The following ANXA8 variants were observed in gnomAD, a reference collection of about 807,000 sequenced individuals.
ANXA8 encodes annexin A8.
Under a neutral mutation model 26.8 loss-of-function variants are expected in ANXA8, and 9 were observed. The observed-to-expected ratio is 0.34, with a 90% CI of 0.20 to 0.59. The LOEUF (loss-of-function observed/expected upper bound fraction) is 0.59. Ranked by LOEUF, ANXA8 falls within the 20% of genes least tolerant of loss-of-function variation. ANXA8 has a pLI of 0.84. For missense variants in ANXA8, 83 were observed against 238.5 expected, an observed-to-expected ratio of 0.35 and a Z score of 4.29; for synonymous variants, 39 against 94.8, an observed-to-expected ratio of 0.41 and a Z score of 3.42.
the ANXA8 span, among the ~76,000 whole-genome samples, chr10:47,743,245 C>CATATATATATATATATATACAT: frequency 2.1e-5 from 2 of 94,654 alleles, no homozygotes; most frequent in Admixed American, 2.3e-4. Flanking sequence ...CAACAGGCTT[C>CATATATATATATATATATACAT]ATATATATAT....
the ANXA8 span, among the ~76,000 whole-genome samples, chr10:47,669,630 G>A: frequency 0.022 from 3,354 of 150,864 alleles, 16 homozygotes; most frequent in African/African-American, 0.029. Flanking sequence ...TGGGAGGATC[G>A]CATGAGCCTG....
At chr10:47,777,743 C>T in the ANXA8 span, among the ~76,000 whole-genome samples, 1 of 152,072 alleles carries the variant, frequency 6.6e-6, no homozygotes, top group South Asian at 2.1e-4. Flanking sequence ...CATGGCACAA[C>T]TAAAGGGCAT....
chr10:47,641,225 C>T, the ANXA8 span, among the ~76,000 whole-genome samples: 2 of 150,994 alleles, frequency 1.3e-5, no homozygotes, highest in Non-Finnish European at 2.9e-5. Context: ...TAAGACTTTT[C>T]ATTAAAATAT....
chr10:47,576,587 C>T, the ANXA8 span, among the ~76,000 whole-genome samples: 1 of 151,576 alleles, frequency 6.6e-6, no homozygotes, highest in Non-Finnish European at 1.5e-5. Context: ...CTTCAGCCTC[C>T]CAAGTAGCTG....
At chr10:47,534,470 T>G in the ANXA8 span, among the ~76,000 whole-genome samples, 2 of 137,710 alleles carry the variant, frequency 1.5e-5, no homozygotes, top group African/African-American at 5.6e-5. Context: ...TCCATATGCC[T>G]TTTCACCAAC....
the ANXA8 span, among the ~76,000 whole-genome samples, chr10:47,686,728 G>A: frequency 5.3e-4 from 81 of 151,892 alleles, no homozygotes; most frequent in African/African-American, 1.7e-3. Context: ...TCAAAAAAGC[G>A]GAATGTTTCA....
the ANXA8 span, among the ~76,000 whole-genome samples, chr10:47,489,987 G>C: frequency 6.6e-6 from 1 of 150,520 alleles, no homozygotes; most frequent in Non-Finnish European, 1.5e-5. Flanking sequence ...TGAGGGCATG[G>C]GTCCCTGAAG....
the ANXA8 span, among the ~76,000 whole-genome samples, chr10:47,971,462 C>T: frequency 1.2e-4 from 17 of 139,426 alleles, no homozygotes; most frequent in Non-Finnish European, 2.6e-4. Context: ...CTGACATCCA[C>T]CTGCAATGGG....
the ANXA8 span, among the ~76,000 whole-genome samples, chr10:47,651,420 C>G: frequency 6.6e-6 from 1 of 151,418 alleles, no homozygotes; most frequent in Non-Finnish European, 1.5e-5. Flanking sequence ...CTGGCAGTTC[C>G]TCAAAAAGTT....
the ANXA8 span, among the ~76,000 whole-genome samples, chr10:47,663,539 C>T: frequency 1.5e-5 from 2 of 131,750 alleles, no homozygotes; most frequent in Non-Finnish European, 3.1e-5. Flanking sequence ...GTGCATGCCA[C>T]CATGCCCAGC....
At chr10:47,572,270 A>AG in the ANXA8 span, among the ~76,000 whole-genome samples, 1 of 146,854 alleles carries the variant, frequency 6.8e-6, no homozygotes, top group Admixed American at 6.9e-5. Flanking sequence ...AAAGTTCTGC[A>AG]GGACCCTGAT....
chr10:47,702,196 A>G, the ANXA8 span, among the ~76,000 whole-genome samples: 2 of 150,342 alleles, frequency 1.3e-5, no homozygotes, highest in Non-Finnish European at 3.0e-5. Context: ...AAATATAGGC[A>G]TGTGTATATG....
chr10:47,967,390 T>C, the ANXA8 span, among the ~76,000 whole-genome samples: 1 of 149,738 alleles, frequency 6.7e-6, no homozygotes. Flanking sequence ...CCCTTCATCC[T>C]TCCAAAGTTT....
At chr10:47,761,701 C>T in the ANXA8 span, 3 of 1,508,088 alleles carry the variant, frequency 2.0e-6, no homozygotes, top group Non-Finnish European at 2.7e-6. Flanking sequence ...CACTCTCCCT[C>T]ACAGCCCTGG....
At chr10:47,650,816 A>G in the ANXA8 span, among the ~76,000 whole-genome samples, 2 of 149,822 alleles carry the variant, frequency 1.3e-5, no homozygotes, top group African/African-American at 5.0e-5. Context: ...CAAAAAAAAA[A>G]AAAGGGCAAA....
the ANXA8 span, among the ~76,000 whole-genome samples, chr10:47,519,098 T>C: frequency 6.6e-5 from 9 of 137,354 alleles, 2 homozygotes; most frequent in African/African-American, 2.0e-4. Flanking sequence ...ATTTGGGTAA[T>C]GGCAGTGGAT....
At chr10:47,742,877 G>A in the ANXA8 span, among the ~76,000 whole-genome samples, 22 of 142,064 alleles carry the variant, frequency 1.5e-4, no homozygotes, top group African/African-American at 4.1e-4. Context: ...ATGCAACCCC[G>A]GGCGCAGTGG....
At chr10:47,562,172 T>C in the ANXA8 span, among the ~76,000 whole-genome samples, 5 of 151,840 alleles carry the variant, frequency 3.3e-5, no homozygotes, top group African/African-American at 1.2e-4. Context: ...ATGATCTGTA[T>C]AATAAATACA....
At chr10:47,655,646 G>GTAT in the ANXA8 span, among the ~76,000 whole-genome samples, 21 of 151,964 alleles carry the variant, frequency 1.4e-4, no homozygotes, top group Non-Finnish European at 2.6e-4. Context: ...CAGAATACAG[G>GTAT]ATCCAGCTAT....
Sources: allele counts gnomAD v4.1 joint callset (sites outside exome capture counted in the v4.1 genomes callset), GRCh38; gene constraint gnomAD v4.1.1; transcripts MANE v1.5; gene names NCBI Gene and HGNC (gene_info 2026-07-23, HGNC 2026-07-21).